RASGRF1: variants seen among roughly 807,000 people sequenced by gnomAD.
The protein encoded by RASGRF1 is ras-specific guanine nucleotide-releasing factor 1.
Under a neutral mutation model 138.7 loss-of-function variants are expected in RASGRF1, and 40 were observed. That is an observed-to-expected ratio of 0.29 (90% CI 0.22 to 0.38). The LOEUF is 0.38. RASGRF1 is among the 10% of genes least tolerant of loss of function. The pLI, the probability that RASGRF1 is intolerant of heterozygous loss-of-function variation, is 1.00. For synonymous variants in RASGRF1, 614 were observed against 663.2 expected, an observed-to-expected ratio of 0.93 and a Z score of 1.14; for missense variants, 1,108 against 1,650.4, an observed-to-expected ratio of 0.67 and a Z score of 5.69.
chr15:79,012,685 ACTCT>A (rs956659449), intron 13 of RASGRF1, among the ~76,000 whole-genome samples: 2 of 150,916 alleles, frequency 1.3e-5, no homozygotes, highest in African/African-American at 4.9e-5. Flanking sequence ...TTTCATCCGC[ACTCT>A]CTCTTTTTTT....
chr15:79,013,878 C>T (rs757647196), intron 13 of RASGRF1, among the ~76,000 whole-genome samples: 13 of 151,956 alleles, frequency 8.6e-5, no homozygotes, highest in Non-Finnish European at 1.5e-4. Context: ...CTGGAGCCTG[C>T]GTTTTGGTTT....
intron 13 of RASGRF1, among the ~76,000 whole-genome samples, chr15:79,010,921 G>T (rs558098961): frequency 3.9e-5 from 6 of 152,262 alleles, no homozygotes; most frequent in African/African-American, 1.4e-4. Flanking sequence ...GGGGCTGGTG[G>T]GAGTACTCGG....
At chr15:78,979,747 G>A (rs900699210) in intron 24 of RASGRF1, among the ~76,000 whole-genome samples, 2 of 152,242 alleles carry the variant, frequency 1.3e-5, no homozygotes, top group Non-Finnish European at 2.9e-5. Context: ...GCCAGCCTGG[G>A]CCAGTCCTGG....
At chr15:79,052,249 C>T (rs1300375023) in intron 3 of RASGRF1, among the ~76,000 whole-genome samples, 1 of 152,236 alleles carries the variant, frequency 6.6e-6, no homozygotes, top group African/African-American at 2.4e-5. Context: ...CTACTCCCCT[C>T]TCTGGAGACA....
At position 79,032,038 on chromosome 15, in the gene RASGRF1, T is replaced by G; in HGVS notation, c.1152+85A>C. The G allele has an allele frequency of 1.0e-5, 15 of 1,442,812 alleles. No homozygotes were observed. Among genetic ancestry groups the G allele is most frequent in the East Asian group, 2.5e-5 (1 of 40,336 alleles). The allele number at this position is 1,442,812 out of a possible 1,614,324, so 89.4% of individuals were successfully genotyped here. A position where few individuals can be genotyped will look rare whatever the true frequency, so the allele number is the denominator to read the frequency against. On this transcript the variant is annotated intron_variant, in intron 7 of 26. Transcript: ENST00000558480. This position sits in a 1 kb window ranked among gnomAD's most constrained non-coding sequence, Gnocchi z 4.5. Reference sequence around the variant, plus strand: ...TTTGGCAGCCCAGAGCTGGGGTGCGTTAAGCACTGTGCCCCCACCGCCATG... The same window carrying G: ...TTTGGCAGCCCAGAGCTGGGGTGCGGTAAGCACTGTGCCCCCACCGCCATG...
intron 2 of RASGRF1, among the ~76,000 whole-genome samples, chr15:79,060,070 C>G (rs575913140): frequency 6.6e-6 from 1 of 150,848 alleles, no homozygotes; most frequent in Non-Finnish European, 1.5e-5. Context: ...TTATAGTGTC[C>G]GCCTCTGGTC....
chr15:79,005,723 CT>C (rs2056656524), intron 14 of RASGRF1: 1 of 411,736 alleles, frequency 2.4e-6, no homozygotes, highest in African/African-American at 4.7e-5. Context: ...TCCTTTCTCC[CT>C]CCCTCCCTCC....
Position 78,998,611 on chromosome 15 carries a change from G to A in RASGRF1, c.2853+108C>T, listed in dbSNP as rs1468292526. On this transcript the variant is annotated intron_variant, in intron 18 of 26. Transcript: ENST00000558480. ...GCTCCCTCCCTTCTGCTGCCCCACTGCCAGCCATCAGCTCACTCTGCCCGC... is the reference window on the plus strand; with the variant it reads ...GCTCCCTCCCTTCTGCTGCCCCACTACCAGCCATCAGCTCACTCTGCCCGC... The A allele has an allele frequency of 1.0e-4, 95 of 921,774 alleles. 2 individuals carry two copies. The South Asian group carries it at 1.3e-3, about 12-fold the overall frequency. The allele number at this position is 921,774 out of a possible 1,614,324, so 57.1% of individuals were successfully genotyped here.
intron 2 of RASGRF1, among the ~76,000 whole-genome samples, chr15:79,059,964 TCA>T (rs1469119649): frequency 4.8e-5 from 6 of 124,320 alleles, no homozygotes; most frequent in South Asian, 2.4e-4. Context: ...ACTGATACAC[TCA>T]CACACACACA....
At chr15:79,042,074 T>C (rs985202813) in intron 5 of RASGRF1, among the ~76,000 whole-genome samples, 39 of 152,316 alleles carry the variant, frequency 2.6e-4, no homozygotes, top group African/African-American at 8.7e-4. Context: ...TCTAAGCTTA[T>C]TGTCTTGGCT....
At chr15:79,020,130 T>C in intron 10 of RASGRF1, 26 bp from the exon 11 acceptor site, 1 of 1,608,878 alleles carries the variant, frequency 6.2e-7, no homozygotes, top group Non-Finnish European at 8.5e-7. Context: ...AGGGGCTGCT[T>C]TGGATTGAGG....
chr15:79,017,965 AAT>A (rs1262278863), intron 11 of RASGRF1, 59 bp from the exon 12 acceptor site: 1 of 1,598,932 alleles, frequency 6.3e-7, no homozygotes, highest in East Asian at 2.3e-5. Context: ...TCAGGTGGAA[AAT>A]GTTTTAGTGG....
intron 26 of RASGRF1, among the ~76,000 whole-genome samples, chr15:78,968,449 G>T (rs1263388509): frequency 6.6e-6 from 1 of 151,828 alleles, no homozygotes; most frequent in African/African-American, 2.4e-5. Context: ...TTATTATTAT[G>T]ATTTTTGCTA....
At chr15:78,997,081 G>A (rs539918199) in intron 19 of RASGRF1, among the ~76,000 whole-genome samples, 4 of 152,370 alleles carry the variant, frequency 2.6e-5, no homozygotes, top group African/African-American at 7.2e-5. Context: ...GCCTTGAAGC[G>A]GGTATTGTTC....
chr15:79,089,281 G>C lies in RASGRF1; in HGVS notation c.276+942C>G, dbSNP rs147715219. ...GGCATTTTAGGATCCACTATCATCT[G>C]CTTTATCTTCCTAGTGGCAAGGGAC... On this transcript the variant is annotated intron_variant, in intron 1 of 26. Transcript: ENST00000558480. Among the ~76,000 whole-genome samples the C allele has an allele frequency of 6.0e-3, 913 of 152,346 alleles. 16 individuals carry two copies. The highest frequency in any genetic ancestry group is 0.021 in the African/African-American group (878 of 41,576).
chr15:78,963,476 A>G (rs1423783730), intron 26 of RASGRF1, among the ~76,000 whole-genome samples: 1 of 151,964 alleles, frequency 6.6e-6, no homozygotes, highest in Non-Finnish European at 1.5e-5. Context: ...TAATTTTTGT[A>G]TTTTTAGTAG....
At chr15:79,051,783 A>G (rs975417644) in intron 3 of RASGRF1, among the ~76,000 whole-genome samples, 4 of 152,216 alleles carry the variant, frequency 2.6e-5, no homozygotes, top group African/African-American at 9.7e-5. Flanking sequence ...GCTTTATTTA[A>G]GGATCAAGCT....
chr15:79,050,936 T>G lies in RASGRF1; in HGVS notation c.532-1348A>C, dbSNP rs1044284164. On this transcript the variant is annotated intron_variant, in intron 3 of 26. Coordinates refer to ENST00000558480, the MANE Select transcript of RASGRF1 (RefSeq NM_001145648.3). This position sits in a 1 kb window ranked among gnomAD's most constrained non-coding sequence, Gnocchi z 4.1. ...TAAGGGAGAAGGGATTGCAGCTGTT[T>G]CATTTATTGTGCTCCTGGTGCCTAG... 3.9e-5 allele frequency among the ~76,000 whole-genome samples: 6 copies of G among 152,234 alleles called. No homozygotes were observed. The highest frequency in any genetic ancestry group is 1.4e-4 in the African/African-American group (6 of 41,472).
Position 78,973,362 on chromosome 15 carries a change from C to T in RASGRF1, c.3553G>A (p.Glu1185Lys), listed in dbSNP as rs376958764. 12 of 1,613,788 alleles carry T rather than the reference C, an allele frequency of 7.4e-6. No homozygotes were observed. Among genetic ancestry groups the T allele is most frequent in the African/African-American group, 5.3e-5 (4 of 74,870 alleles). The change falls in exon 25 of 27, where the codon GAG (glutamate) becomes AAG (lysine). Residue 1185 changes from glutamate to lysine, a missense_variant. Coordinates refer to ENST00000558480, the MANE Select transcript of RASGRF1 (RefSeq NM_001145648.3). This position sits in a 1 kb window ranked among gnomAD's most constrained non-coding sequence, Gnocchi z 4.9. ...GMYLTDLAFI[E>K]EGTPNYTEDG... Reference sequence around the variant, plus strand: ...TCCGTGTAATTGGGCGTCCCCTCCTCGATGAAGGCCAGGTCGGTGAGGTAC... The same window carrying T: ...TCCGTGTAATTGGGCGTCCCCTCCTTGATGAAGGCCAGGTCGGTGAGGTAC...
Sources: gnomAD v4.1 joint callset for allele counts (sites outside exome capture counted in the v4.1 genomes callset) on GRCh38, gnomAD v4.1.1 for gene constraint, Gnocchi (gnomAD v3.1) non-coding constraint, MANE v1.5 for transcripts, NCBI Gene and HGNC (gene_info 2026-07-23, HGNC 2026-07-21) for gene names.